The following PTPRD variants were observed in gnomAD, a reference collection of about 807,000 sequenced individuals.
PTPRD encodes protein tyrosine phosphatase receptor type D.
PTPRD carries 34 observed loss-of-function variants against 214.5 expected under a neutral mutation model. The observed-to-expected ratio is 0.16, with a 90% CI of 0.12 to 0.21. The LOEUF is 0.21. PTPRD is among the 10% of genes least tolerant of loss of function. PTPRD has a pLI of 1.00. For synonymous variants in PTPRD, 1,128 were observed against 845.7 expected, an observed-to-expected ratio of 1.33 and a Z score of -5.79; for missense variants, 2,545 against 2,398.7, an observed-to-expected ratio of 1.06 and a Z score of -1.27.
intron 11 of PTPRD, among the ~76,000 whole-genome samples, chr9:9,003,849 C>T (rs2099437653): frequency 6.6e-6 from 1 of 152,050 alleles, no homozygotes; most frequent in Non-Finnish European, 1.5e-5. Context: ...TCTGTAAATG[C>T]CTGATAACGT....
intron 11 of PTPRD, among the ~76,000 whole-genome samples, chr9:8,959,889 C>T (rs1335893406): frequency 1.3e-5 from 2 of 152,162 alleles, no homozygotes; most frequent in East Asian, 1.9e-4. Context: ...AGAGCTTGGG[C>T]ATGAAAATGT....
At chr9:9,100,606 C>A (rs1189163220) in intron 10 of PTPRD, among the ~76,000 whole-genome samples, 2 of 151,804 alleles carry the variant, frequency 1.3e-5, no homozygotes, top group Non-Finnish European at 2.9e-5. Flanking sequence ...GAAAATGAAA[C>A]AAAACAAAAC....
intron 5 of PTPRD, among the ~76,000 whole-genome samples, chr9:9,806,088 C>A (rs2099071208): frequency 6.6e-6 from 1 of 152,012 alleles, no homozygotes; most frequent in South Asian, 2.1e-4. Flanking sequence ...AGTAAATTTA[C>A]AGAGGCATAA....
intron 11 of PTPRD, among the ~76,000 whole-genome samples, chr9:8,888,611 T>C (rs1037455415): frequency 3.3e-5 from 5 of 152,232 alleles, no homozygotes; most frequent in African/African-American, 9.6e-5. Context: ...CAATTCACTC[T>C]TCCAAGATTA....
intron 3 of PTPRD, among the ~76,000 whole-genome samples, chr9:10,139,780 G>A (rs559954141): frequency 6.6e-6 from 1 of 151,938 alleles, no homozygotes; most frequent in East Asian, 1.9e-4. Context: ...ACAAAAATAA[G>A]GAATGGGGCA....
chr9:9,352,225 C>A (rs10117562), intron 9 of PTPRD, among the ~76,000 whole-genome samples: 2,043 of 151,268 alleles, frequency 0.014, 51 homozygotes, highest in African/African-American at 0.047. Context: ...CGTAGCATAA[C>A]TATAAAATAA....
Position 10,150,635 on chromosome 9 carries a change from G to A in PTPRD, c.-544-116845C>T, listed in dbSNP as rs376025194. On this transcript the variant is annotated intron_variant, in intron 3 of 45. Transcript: ENST00000381196. Reference sequence around the variant, plus strand: ...TAACAAACCTGTAAGTTGTGCACATGTACCCTAGAACTTAAAGTAAAATAA... The same window carrying A: ...TAACAAACCTGTAAGTTGTGCACATATACCCTAGAACTTAAAGTAAAATAA... Among the ~76,000 whole-genome samples, 13 of 149,614 alleles carry A rather than the reference G, an allele frequency of 8.7e-5. No individual in the cohort carries two copies. The East Asian group carries it at 2.6e-3, about 29-fold the overall frequency.
chr9:10,193,465 G>C lies in PTPRD; in HGVS notation c.-545+147498C>G, dbSNP rs183894320. On this transcript the variant is annotated intron_variant, in intron 3 of 45. Transcript: ENST00000381196. Reference sequence around the variant, plus strand: ...AGGTCGAGAGTTAAATAAAGTACTAGCATGGGAACAGAGTAATTGTCAAAA... The same window carrying C: ...AGGTCGAGAGTTAAATAAAGTACTACCATGGGAACAGAGTAATTGTCAAAA... Among the ~76,000 whole-genome samples, 4 of 152,202 alleles carry C rather than the reference G, an allele frequency of 2.6e-5. No individual in the cohort carries two copies. In the East Asian group the frequency reaches 7.7e-4, roughly 29 times the overall value.
chr9:9,346,652 T>C (rs1417377380), intron 9 of PTPRD, among the ~76,000 whole-genome samples: 1 of 152,140 alleles, frequency 6.6e-6, no homozygotes, highest in Non-Finnish European at 1.5e-5. Flanking sequence ...CCTTTGTATG[T>C]TTTTATTTGT....
intron 2 of PTPRD, among the ~76,000 whole-genome samples, chr9:10,556,307 G>A (rs2062577932): frequency 6.6e-6 from 1 of 151,746 alleles, no homozygotes; most frequent in South Asian, 2.1e-4. Context: ...CAATGTATGT[G>A]ATCTTAATAG....
Position 8,355,324 on chromosome 9 carries a change from G to T in PTPRD, c.4662-13346C>A, listed in dbSNP as rs2133515736. The stretch of plus-strand genomic sequence containing the variant: ...GCTGTACTGCCTGCCAGAACAGGTT[G>T]TAGGCCAAATAAACCTCTTTTCTTC... On this transcript the variant is annotated intron_variant, in intron 39 of 45. Transcript: ENST00000381196. Among the ~76,000 whole-genome samples the T allele has an allele frequency of 2.0e-5, 3 of 152,288 alleles. No homozygotes were observed. The South Asian group carries it at 6.2e-4, about 32-fold the overall frequency.
At chr9:8,792,604 A>C (rs982599869) in intron 11 of PTPRD, among the ~76,000 whole-genome samples, 3 of 152,238 alleles carry the variant, frequency 2.0e-5, no homozygotes, top group Non-Finnish European at 2.9e-5. Flanking sequence ...CCAGCTGAGA[A>C]GAGGGGCTTG....
At chr9:9,127,450 CT>C (rs1293938386) in intron 10 of PTPRD, among the ~76,000 whole-genome samples, 1 of 152,136 alleles carries the variant, frequency 6.6e-6, no homozygotes, top group Non-Finnish European at 1.5e-5. Context: ...TACTGGGAAG[CT>C]ATAACTGACA....
intron 3 of PTPRD, among the ~76,000 whole-genome samples, chr9:10,262,455 C>G (rs2093759129): frequency 6.6e-6 from 1 of 152,106 alleles, no homozygotes; most frequent in Non-Finnish European, 1.5e-5. Context: ...TTCAAAATCA[C>G]CTAAGAAATA....
intron 9 of PTPRD, among the ~76,000 whole-genome samples, chr9:9,395,224 G>C (rs774920195): frequency 8.3e-4 from 125 of 151,198 alleles, no homozygotes; most frequent in Non-Finnish European, 1.5e-3. Flanking sequence ...ATAGGTCCTT[G>C]CTACTCAAAG....
At chr9:10,002,388 ATAGAT>A (rs1249166025) in intron 4 of PTPRD, among the ~76,000 whole-genome samples, 2 of 148,768 alleles carry the variant, frequency 1.3e-5, no homozygotes, top group South Asian at 2.1e-4. Flanking sequence ...GGTTGGGAGA[ATAGAT>A]TAGTTTTTAA....
intron 14 of PTPRD, among the ~76,000 whole-genome samples, chr9:8,623,751 G>A (rs542629669): frequency 1.3e-5 from 2 of 151,746 alleles, no homozygotes. Flanking sequence ...GCTTAGAGAG[G>A]TTAGGAAATG....
chr9:9,747,540 T>G (rs1416675490), intron 6 of PTPRD, among the ~76,000 whole-genome samples: 1 of 1,580 alleles, frequency 6.3e-4, no homozygotes, highest in South Asian at 0.011. Context: ...ATCTTTTTTG[T>G]TTTTTTTTTT....
At chr9:8,357,554 C>T (rs956870363) in intron 39 of PTPRD, among the ~76,000 whole-genome samples, 1 of 152,178 alleles carries the variant, frequency 6.6e-6, no homozygotes, top group African/African-American at 2.4e-5. Context: ...TTTATTGGCT[C>T]TGTCTGTTTT....
Sources: gnomAD v4.1 joint callset for allele counts (sites outside exome capture counted in the v4.1 genomes callset) on GRCh38, gnomAD v4.1.1 for gene constraint, MANE v1.5 for transcripts, NCBI Gene and HGNC (gene_info 2026-07-23, HGNC 2026-07-21) for gene names.